The following SLC45A4 variants were observed in gnomAD, a reference collection of about 807,000 sequenced individuals.
SLC45A4 encodes solute carrier family 45 member 4.
In SLC45A4, 32 loss-of-function variants were observed where a neutral mutation model predicts 63.7. The ratio of observed to expected loss-of-function variants is 0.50; its 90% CI spans 0.38 to 0.67. SLC45A4 has a LOEUF of 0.67. Ranked by LOEUF, SLC45A4 falls within the 30% of genes least tolerant of loss-of-function variation. The pLI, the probability that SLC45A4 is intolerant of heterozygous loss-of-function variation, is 0.00. For synonymous variants in SLC45A4, 535 were observed against 510.0 expected, an observed-to-expected ratio of 1.05 and a Z score of -0.66; for missense variants, 1,027 against 1,157.7, an observed-to-expected ratio of 0.89 and a Z score of 1.64.
chr8:141,218,039 C>T lies in SLC45A4; in HGVS notation c.1601G>A (p.Gly534Asp). 6.2e-7 allele frequency: 1 copy of T among 1,610,454 alleles called. No individual in the cohort carries two copies. The change falls in exon 5 of 9, where the codon GGC becomes GAC. Residue 534 changes from glycine (G) to aspartate (D), a missense_variant. Transcript: ENST00000517878. ...GGGGTCGCCTTCGAAGATGACCTGG[C>T]CCATGAAGTCGGTGTAGAACACGGC... ...AEAVFYTDFM[G>D]QVIFEGDPKA... is the part of the protein sequence containing the mutation.
chr8:141,245,769 C>T (rs976777551), intron 2 of SLC45A4, among the ~76,000 whole-genome samples: 3 of 152,192 alleles, frequency 2.0e-5, no homozygotes, highest in Non-Finnish European at 4.4e-5. Flanking sequence ...GGCAGCAGCA[C>T]TGTCTGCCAG....
intron 1 of SLC45A4, among the ~76,000 whole-genome samples, chr8:141,302,861 T>C (rs1406436380): frequency 6.6e-6 from 1 of 152,190 alleles, no homozygotes; most frequent in Non-Finnish European, 1.5e-5. Context: ...AAATATTCCC[T>C]TCCCATATAC....
intron 1 of SLC45A4, among the ~76,000 whole-genome samples, chr8:141,286,254 T>C (rs905086895): frequency 6.6e-6 from 1 of 152,124 alleles, no homozygotes; most frequent in Non-Finnish European, 1.5e-5. Context: ...CTTCCTTCCC[T>C]CGGGAGCTGA....
intron 2 of SLC45A4, among the ~76,000 whole-genome samples, chr8:141,244,953 TGGGTG>T (rs140522279): frequency 0.67 from 18,601 of 27,748 alleles, 5,078 homozygotes; most frequent in Non-Finnish European, 0.7. Context: ...CAAGAAGACG[TGGGTG>T]GGGGGGGGGG....
intron 3 of SLC45A4, among the ~76,000 whole-genome samples, chr8:141,220,271 C>T (rs988064833): frequency 5.3e-5 from 8 of 152,144 alleles, no homozygotes; most frequent in African/African-American, 1.7e-4. Flanking sequence ...TGAGGCTTCG[C>T]GAGGCAGGCG....
intron 2 of SLC45A4, among the ~76,000 whole-genome samples, chr8:141,244,868 C>T (rs965421483): frequency 6.7e-5 from 10 of 149,780 alleles, no homozygotes; most frequent in Non-Finnish European, 1.0e-4. Context: ...CAGCCCTGTG[C>T]GATGGGAGAC....
At chr8:141,246,499 C>T (rs1421542560) in intron 2 of SLC45A4, among the ~76,000 whole-genome samples, 1 of 152,298 alleles carries the variant, frequency 6.6e-6, no homozygotes, top group African/African-American at 2.4e-5. Context: ...GATGTGCAGG[C>T]CAAGGCAGCA....
intron 1 of SLC45A4, among the ~76,000 whole-genome samples, chr8:141,272,452 G>A (rs1829577171): frequency 6.6e-6 from 1 of 152,186 alleles, no homozygotes; most frequent in South Asian, 2.1e-4. Flanking sequence ...GGCTACCACG[G>A]GAGGGTCGTG....
chr8:141,285,209 CA>C (rs2154615172), intron 1 of SLC45A4, among the ~76,000 whole-genome samples: 1 of 152,366 alleles, frequency 6.6e-6, no homozygotes, highest in South Asian at 2.1e-4. Flanking sequence ...CTGCCTGCAA[CA>C]GCAGCCACCA....
At chr8:141,257,608 A>G (rs1178141720) in intron 1 of SLC45A4, among the ~76,000 whole-genome samples, 1 of 152,252 alleles carries the variant, frequency 6.6e-6, no homozygotes, top group Non-Finnish European at 1.5e-5. Flanking sequence ...GCTGAGAGTT[A>G]GGCAATAAAT....
chr8:141,287,309 G>A (rs556892256), intron 1 of SLC45A4, among the ~76,000 whole-genome samples: 8 of 152,258 alleles, frequency 5.3e-5, no homozygotes, highest in East Asian at 1.9e-4. Context: ...AACCTCTCCC[G>A]GCGGATACTA....
At chr8:141,305,076 C>G (rs11781520) in intron 1 of SLC45A4, among the ~76,000 whole-genome samples, 34,877 of 152,138 alleles carry the variant, frequency 0.23, 4,825 homozygotes, top group South Asian at 0.32. Flanking sequence ...TTAAAGAGGT[C>G]TCCCGGTCCT....
rs1826097338 is a variant in SLC45A4 at position 141,215,655 on chromosome 8, C to G, written c.1941+104G>C. The G allele has an allele frequency of 8.5e-7, 1 of 1,179,314 alleles. No individual in the cohort carries two copies. Among genetic ancestry groups the G allele is most frequent in the Admixed American group, 1.9e-5 (1 of 53,652 alleles). The allele number at this position is 1,179,314 out of a possible 1,614,324, so 73.1% of individuals were successfully genotyped here. A position where few individuals can be genotyped will look rare whatever the true frequency, so the allele number is the denominator to read the frequency against. ...AGAACCGGAGAGGAAGGAGGGCCAT[C>G]TGTGTCGTGAACGTCCCCCCGGGGA... On this transcript the variant is annotated intron_variant, in intron 7 of 8. Transcript: ENST00000517878. This position sits in a 1 kb window ranked among gnomAD's most constrained non-coding sequence, Gnocchi z 4.3.
chr8:141,232,472 T>TCA (rs998149034), intron 2 of SLC45A4, among the ~76,000 whole-genome samples: 1 of 152,214 alleles, frequency 6.6e-6, no homozygotes, highest in African/African-American at 2.4e-5. Flanking sequence ...CGCCAAGGCC[T>TCA]CAGGTGAAGA....
Position 141,266,435 on chromosome 8 carries a change from G to A in SLC45A4, c.-400-11806C>T, listed in dbSNP as rs1436362496. On this transcript the variant is annotated intron_variant, in intron 1 of 8. Coordinates refer to ENST00000517878, the MANE Select transcript of SLC45A4 (RefSeq NM_001286646.2). ...ACCACCATCAGCCTCGGACGGCCCC[G>A]TTCAATCTTTACCAATGCAGTTCCC... Among the ~76,000 whole-genome samples, 9 of 152,224 alleles carry A rather than the reference G, an allele frequency of 5.9e-5. No homozygotes were observed. In the East Asian group the frequency reaches 1.2e-3, roughly 20 times the overall value.
At chr8:141,260,056 C>T (rs1305441717) in intron 1 of SLC45A4, among the ~76,000 whole-genome samples, 1 of 152,172 alleles carries the variant, frequency 6.6e-6, no homozygotes, top group Non-Finnish European at 1.5e-5. Flanking sequence ...ACCGGTGTCA[C>T]CTGTTACGCA....
chr8:141,226,751 G>T (rs11785122), intron 2 of SLC45A4: 2,077 of 152,340 alleles, frequency 0.014, 18 homozygotes, highest in Non-Finnish European at 0.019. Context: ...ATTCCAGGCT[G>T]CAAGGAAAGC....
intron 1 of SLC45A4, among the ~76,000 whole-genome samples, chr8:141,279,953 G>A (rs537220762): frequency 6.6e-6 from 1 of 152,264 alleles, no homozygotes; most frequent in African/African-American, 2.4e-5. Flanking sequence ...TCGCCTACAT[G>A]AGAAGTGAAA....
chr8:141,303,027 C>G (rs2154615493), intron 1 of SLC45A4, among the ~76,000 whole-genome samples: 1 of 144,838 alleles, frequency 6.9e-6, no homozygotes, highest in Admixed American at 6.9e-5. Flanking sequence ...CAGGGTCTCA[C>G]TCTGTTGCCC....
Sources: allele counts gnomAD v4.1 joint callset (sites outside exome capture counted in the v4.1 genomes callset), GRCh38; gene constraint gnomAD v4.1.1; non-coding constraint Gnocchi (gnomAD v3.1); transcripts MANE v1.5; gene names NCBI Gene and HGNC (gene_info 2026-07-23, HGNC 2026-07-21).